Variants in GLI3 observed in about 807,000 individuals in gnomAD.
GLI3 encodes the protein transcription activator GLI3.
Under a neutral mutation model 100.8 loss-of-function variants are expected in GLI3, and 20 were observed. The ratio of observed to expected loss-of-function variants is 0.20; its 90% CI spans 0.14 to 0.29. GLI3 has a LOEUF of 0.29. Among genes scored for constraint, GLI3 ranks in the 10% least tolerant of loss-of-function variants. The pLI is 1.00. For synonymous variants in GLI3, 938 were observed against 860.5 expected (o/e 1.09, Z -1.58); for missense variants, 2,040 against 2,128.5 (o/e 0.96, Z 0.82).
At chr7:42,114,184 G>A (rs975228946) in intron 3 of GLI3, among the ~76,000 whole-genome samples, 17 of 152,116 alleles carry the variant, frequency 1.1e-4, no homozygotes, top group Admixed American at 2.0e-4. Flanking sequence ...TGAAAGTCAG[G>A]GTCAGCTTGT....
At chr7:42,145,826 C>A (rs1174631209) in intron 3 of GLI3, among the ~76,000 whole-genome samples, 1 of 152,070 alleles carries the variant, frequency 6.6e-6, no homozygotes, top group African/African-American at 2.4e-5. Context: ...TTAACATGTG[C>A]CAGAGATTTT....
chr7:42,218,752 GCTTT>G (rs891286266), intron 2 of GLI3, among the ~76,000 whole-genome samples: 8 of 152,076 alleles, frequency 5.3e-5, no homozygotes, highest in African/African-American at 1.7e-4. Flanking sequence ...AATAATTTCT[GCTTT>G]CTATCACTTT....
chr7:42,199,058 TAAC>T (rs776641826), intron 2 of GLI3, among the ~76,000 whole-genome samples: 2 of 152,052 alleles, frequency 1.3e-5, no homozygotes, highest in African/African-American at 4.8e-5. Context: ...AGCAGTCAGT[TAAC>T]AACGAGAAAC....
chr7:41,992,714 G>A (rs758460771), intron 10 of GLI3, among the ~76,000 whole-genome samples: 1 of 152,148 alleles, frequency 6.6e-6, no homozygotes, highest in Non-Finnish European at 1.5e-5. Flanking sequence ...ACAGTAAATG[G>A]CAGGGGACAG....
At chr7:42,184,772 A>G (rs62443807) in intron 2 of GLI3, among the ~76,000 whole-genome samples, 19,310 of 151,792 alleles carry the variant, frequency 0.13, 1,601 homozygotes, top group Non-Finnish European at 0.19. Flanking sequence ...GAATTATTAG[A>G]TCAATAACTA....
rs190006938 is a variant in GLI3, at chr7:42,004,517, T to C, written c.1497+18951A>G. 7.9e-5 allele frequency among the ~76,000 whole-genome samples: 12 copies of C among 151,620 alleles called. No homozygotes were observed. The East Asian group carries it at 2.1e-3, about 27-fold the overall frequency. On this transcript the variant is annotated intron_variant, in intron 10 of 14. Transcript: ENST00000395925. ...AAAGCAATGACCAGGAAAGGAAAAA[T>C]GCATACAGAAAAAAACTTCCTACCT...
chr7:42,143,674 T>G (rs1174837056), intron 3 of GLI3, among the ~76,000 whole-genome samples: 5 of 152,224 alleles, frequency 3.3e-5, no homozygotes, highest in Non-Finnish European at 7.3e-5. Context: ...GGGTTTTTTC[T>G]TTAAGCTAAT....
intron 4 of GLI3, among the ~76,000 whole-genome samples, chr7:42,069,694 T>C (rs1185035659): frequency 6.6e-6 from 1 of 152,226 alleles, no homozygotes; most frequent in Non-Finnish European, 1.5e-5. Context: ...GGTGTTATTT[T>C]AGACCAAGGT....
chr7:42,152,532 T>C, intron 2 of GLI3: 3 of 468,164 alleles, frequency 6.4e-6, no homozygotes, highest in Non-Finnish European at 8.4e-6. Context: ...CATGCTAAAT[T>C]TAACAAGCTC....
intron 1 of GLI3, among the ~76,000 whole-genome samples, chr7:42,247,390 T>G (rs1490315530): frequency 6.6e-6 from 1 of 152,130 alleles, no homozygotes; most frequent in Non-Finnish European, 1.5e-5. Flanking sequence ...GTTTCCAGGC[T>G]ACCTGATGAT....
intron 3 of GLI3, among the ~76,000 whole-genome samples, chr7:42,147,668 G>A (rs1786747501): frequency 6.6e-6 from 1 of 152,220 alleles, no homozygotes; most frequent in Admixed American, 6.5e-5. Context: ...AGCTTCTGAT[G>A]TGTCTGGCAC....
chr7:42,040,286 A>AT (rs1215648487), intron 6 of GLI3, 47 bp from the exon 7 acceptor site: 1 of 1,349,034 alleles, frequency 7.4e-7, no homozygotes, highest in Non-Finnish European at 1.1e-6. Context: ...GTTGGACTCT[A>AT]TACCAGCTAT....
chr7:42,133,950 G>T (rs1021546934), intron 3 of GLI3, among the ~76,000 whole-genome samples: 10 of 151,778 alleles, frequency 6.6e-5, no homozygotes, highest in Non-Finnish European at 1.2e-4. Flanking sequence ...GCGTGGTGTC[G>T]CGTGCCCATA....
At chr7:42,096,347 A>T (rs910579520) in intron 3 of GLI3, among the ~76,000 whole-genome samples, 5 of 152,228 alleles carry the variant, frequency 3.3e-5, no homozygotes, top group Non-Finnish European at 7.3e-5. Context: ...CCCCAGAAAT[A>T]AAGGAGAGGG....
intron 3 of GLI3, among the ~76,000 whole-genome samples, chr7:42,113,964 C>A (rs1323803307): frequency 1.3e-5 from 2 of 152,138 alleles, no homozygotes; most frequent in Non-Finnish European, 2.9e-5. Flanking sequence ...GATTTTATGT[C>A]CTCTTCTCCC....
intron 1 of GLI3, among the ~76,000 whole-genome samples, chr7:42,258,727 G>A (rs1326142348): frequency 1.3e-5 from 2 of 152,156 alleles, no homozygotes; most frequent in Admixed American, 6.5e-5. Context: ...GAATGGGTGA[G>A]GGAGGACCCT....
intron 6 of GLI3, 89 bp downstream of exon 6, chr7:42,045,295 C>G: frequency 7.9e-7 from 1 of 1,263,414 alleles, no homozygotes; most frequent in Non-Finnish European, 1.2e-6. Context: ...AAAAGTTACA[C>G]AATCACCTAA....
chr7:42,234,676 T>C (rs1296025371), intron 1 of GLI3, among the ~76,000 whole-genome samples: 1 of 152,144 alleles, frequency 6.6e-6, no homozygotes, highest in East Asian at 1.9e-4. Flanking sequence ...CTAACAATAA[T>C]ACAATCTATA....
rs981251319 is a variant in GLI3 at position 42,147,448 on chromosome 7, T to C, written c.367+778A>G. Among the ~76,000 whole-genome samples the C allele has an allele frequency of 3.9e-5, 6 of 152,222 alleles. No homozygotes were observed. The East Asian group carries it at 1.2e-3, about 29-fold the overall frequency. On this transcript the variant is annotated intron_variant, in intron 3 of 14. Coordinates refer to ENST00000395925, the MANE Select transcript of GLI3 (RefSeq NM_000168.6). ...GCAAGTCTGAATCCTGGCAAGGTGA[T>C]AAATCTGTAATCAAGAGCTGCAAGC...
Sources: gnomAD v4.1 joint callset for allele counts (sites outside exome capture counted in the v4.1 genomes callset) on GRCh38, gnomAD v4.1.1 for gene constraint, MANE v1.5 for transcripts, NCBI Gene and HGNC (gene_info 2026-07-23, HGNC 2026-07-21) for gene names.